RYR1: variants seen among roughly 807,000 people sequenced by gnomAD.
RYR1 encodes the protein ryanodine receptor 1.
A neutral mutation model predicts 583.5 loss-of-function variants in RYR1; 342 were observed. That is an observed-to-expected ratio of 0.59 (90% CI 0.54 to 0.64). RYR1 has a LOEUF of 0.64. Among genes scored for constraint, RYR1 ranks in the 30% least tolerant of loss-of-function variants. The pLI, the probability that RYR1 is intolerant of heterozygous loss-of-function variation, is 0.00. For synonymous variants in RYR1, 2,791 were observed against 2,822.5 expected (o/e 0.99, Z 0.35); for missense variants, 6,032 against 6,917.2 (o/e 0.87, Z 4.54).
At position 38,444,786 on chromosome 19, in the gene RYR1, A is replaced by G. The variant is rs1972860716; in HGVS notation, c.631+109A>G. On this transcript the variant is annotated intron_variant, in intron 7 of 105. Coordinates refer to ENST00000359596, the MANE Select transcript of RYR1 (RefSeq NM_000540.3). This position sits in a 1 kb window ranked among gnomAD's most constrained non-coding sequence, Gnocchi z 5.1. ...CCTTGGAACCTCAGACCTCAAACCT[A>G]GATCTCCAAATTATGGCTCTCACAC... is the stretch of plus-strand genomic sequence containing the variant. 3.6e-6 allele frequency: 3 copies of G among 822,006 alleles called. No homozygotes were observed. Among genetic ancestry groups the G allele is most frequent in the Non-Finnish European group, 6.1e-6 (3 of 491,634 alleles). 50.9% of individuals were successfully genotyped at this position (822,006 alleles called of 1,614,324 possible).
At chr19:38,576,066 G>GT (rs1973945003) in intron 97 of RYR1, 105 bp downstream of exon 97, 2 of 1,347,036 alleles carry the variant, frequency 1.5e-6, no homozygotes, top group Admixed American at 1.7e-5. Flanking sequence ...TGGGCAAGAG[G>GT]TTTTTTTGCC....
intron 20 of RYR1, 123 bp downstream of exon 20, chr19:38,460,714 A>T: frequency 1.0e-6 from 1 of 957,424 alleles, no homozygotes; most frequent in Non-Finnish European, 1.6e-6. Context: ...GTGGTGGCTC[A>T]CGCCTGTAAG....
rs530154455 is a variant in RYR1 at position 38,580,291 on chromosome 19, G to A, written c.14512-79G>A. On this transcript the variant is annotated intron_variant, in intron 100 of 105. Coordinates refer to ENST00000359596, the MANE Select transcript of RYR1 (RefSeq NM_000540.3). ...AAGGTAGAGCCACAGGGACTGAACC[G>A]GGGCCAGGACCCAGCATGGGCAGGG... is the stretch of plus-strand genomic sequence containing the variant. The A allele has an allele frequency of 8.7e-4, 1,385 of 1,598,146 alleles. 2 individuals are homozygous for A. The highest frequency in any genetic ancestry group is 9.7e-4 in the Non-Finnish European group (1,142 of 1,173,024).
At chr19:38,534,943 C>A in intron 79 of RYR1, 124 bp downstream of exon 79, 1 of 1,162,724 alleles carries the variant, frequency 8.6e-7, no homozygotes, top group Non-Finnish European at 1.2e-6. Flanking sequence ...CACGCACACC[C>A]CAGCCCTTGC....
intron 13 of RYR1, among the ~76,000 whole-genome samples, chr19:38,454,063 G>GTC (rs913789283): frequency 6.6e-6 from 1 of 152,142 alleles, no homozygotes; most frequent in Non-Finnish European, 1.5e-5. Context: ...TTGAAACAGA[G>GTC]TCTCTCTCTG....
rs746226400 is a variant in RYR1 at position 38,494,598 on chromosome 19, A to C, written c.6521A>C (p.Glu2174Ala). 2.5e-6 allele frequency: 4 copies of C among 1,614,118 alleles called. No individual in the cohort carries two copies. Among genetic ancestry groups the C allele is most frequent in the Non-Finnish European group, 2.5e-6 (3 of 1,180,024 alleles). The stretch of plus-strand genomic sequence containing the variant: ...CTCATCGTGCAGATGGGCCCCCAGG[A>C]GGAGAACCTCATGATCCAGAGCATC... The part of the protein sequence containing the change: ...SLLIVQMGPQ[E>A]ENLMIQSIGN... The change falls in exon 39 of 106, where the codon GAG becomes GCG. Residue 2174 changes from glutamate (E) to alanine (A), a missense_variant. By Grantham distance (107) the Glu-to-Ala change is moderately radical (BLOSUM62 -1). This residue lies in a region of RYR1 where 2,627 missense variants were observed against 2,961.3 expected (regional missense o/e 0.89). Coordinates refer to ENST00000359596, the MANE Select transcript of RYR1 (RefSeq NM_000540.3).
intron 25 of RYR1, among the ~76,000 whole-genome samples, chr19:38,468,747 A>T (rs1968257968): frequency 6.6e-6 from 1 of 152,178 alleles, no homozygotes; most frequent in African/African-American, 2.4e-5. Flanking sequence ...GGCAGAAGGG[A>T]TGAGACACAG....
intron 92 of RYR1, among the ~76,000 whole-genome samples, chr19:38,567,418 A>G (rs969410371): frequency 5.9e-5 from 9 of 152,172 alleles, no homozygotes; most frequent in African/African-American, 1.7e-4. Context: ...CCTGGAACAC[A>G]GGCCCCCATG....
At chr19:38,461,742 AAAGG>A (rs1424265535) in intron 20 of RYR1, among the ~76,000 whole-genome samples, 1 of 125,242 alleles carries the variant, frequency 8.0e-6, no homozygotes, top group Non-Finnish European at 1.7e-5. Flanking sequence ...AAAAAAAAAG[AAAGG>A]GAGAGAGAGA....
intron 31 of RYR1, 122 bp from the exon 32 acceptor site, chr19:38,482,905 C>T (rs1969082829): frequency 1.2e-6 from 1 of 863,110 alleles, no homozygotes; most frequent in Admixed American, 1.9e-5. Flanking sequence ...GACCTCTGAG[C>T]CATTTTGGAG....
At position 38,496,852 on chromosome 19, in the gene RYR1, C is replaced by G. The variant is rs1568497190; in HGVS notation, c.6797-8C>G. On this transcript the variant is annotated splice_polypyrimidine_tract_variant and splice_region_variant and intron_variant, in intron 41 of 105. Coordinates refer to ENST00000359596, the MANE Select transcript of RYR1 (RefSeq NM_000540.3). This position sits in a 1 kb window ranked among gnomAD's most constrained non-coding sequence, Gnocchi z 4.8. ...GTGAGATGTTCTCCCCACCTCTCGC[C>G]CCTGCAGGCATGCAGGGCTCCACGC... The G allele has an allele frequency of 6.2e-7, 1 of 1,611,672 alleles. No individual in the cohort carries two copies. The highest frequency in any genetic ancestry group is 1.1e-5 in the South Asian group (1 of 90,972).
At chr19:38,574,815 G>A (rs530696025) in intron 96 of RYR1, among the ~76,000 whole-genome samples, 2 of 152,188 alleles carry the variant, frequency 1.3e-5, no homozygotes, top group African/African-American at 2.4e-5. Flanking sequence ...CGAGGCAGGC[G>A]GATCACGAGG....
Position 38,456,274 on chromosome 19 carries a change from A to ATTTTTTTTTT in RYR1, c.1791+533_1791+542dup, listed in dbSNP as rs769713059. Among the ~76,000 whole-genome samples the ATTTTTTTTTT allele has an allele frequency of 1.9e-5, 2 of 106,670 alleles. 1 individual carries two copies. 70.0% of individuals were successfully genotyped at this position (106,670 alleles called of 152,430 possible). ...CAGGCGTGAACCACCAGCGCCTGGC[A>ATTTTTTTTTT]TTTTTTTTTTTTTTTTTTTGATACA... On this transcript the variant is annotated intron_variant, in intron 16 of 105. Coordinates refer to ENST00000359596, the MANE Select transcript of RYR1 (RefSeq NM_000540.3).
At position 38,499,873 on chromosome 19, in the gene RYR1, T is replaced by C; in HGVS notation, c.7215-35T>C. 2 of 1,215,698 alleles carry C rather than the reference T, an allele frequency of 1.6e-6. No individual in the cohort carries two copies. Among genetic ancestry groups the C allele is most frequent in the South Asian group, 1.2e-5 (1 of 83,504 alleles). The allele number at this position is 1,215,698 out of a possible 1,614,324, so 75.3% of individuals were successfully genotyped here. ...AGGGCAACCCGCCCTCCCTGGCCCC[T>C]GGCTGCCTCCCCAACCCACCCACCT... On this transcript the variant is annotated intron_variant, in intron 44 of 105. Coordinates refer to ENST00000359596, the MANE Select transcript of RYR1 (RefSeq NM_000540.3). This position sits in a 1 kb window ranked among gnomAD's most constrained non-coding sequence, Gnocchi z 7.3.
At chr19:38,541,434 G>A (rs540657549) in intron 84 of RYR1, among the ~76,000 whole-genome samples, 4 of 114,390 alleles carry the variant, frequency 3.5e-5, no homozygotes, top group Admixed American at 9.4e-5. Context: ...GGATTTCCTC[G>A]GCTGGGTGTG....
intron 52 of RYR1, 50 bp downstream of exon 52, chr19:38,505,131 C>G: frequency 6.5e-7 from 1 of 1,539,912 alleles, no homozygotes; most frequent in Non-Finnish European, 9.0e-7. Context: ...CCCCAGCTTT[C>G]CCCCCGACCT....
intron 88 of RYR1, among the ~76,000 whole-genome samples, chr19:38,547,700 A>G (rs530407861): frequency 6.7e-6 from 1 of 150,240 alleles, no homozygotes; most frequent in East Asian, 2.0e-4. Context: ...ACCTACCTTT[A>G]GCGTACATCA....
chr19:38,580,482 T>G lies in RYR1; in HGVS notation c.14624T>G (p.Met4875Arg). Reference sequence around the variant, plus strand: ...AGCGAGGATGAGGATGAACCTGACATGAAGTGTGATGACATGATGACGGTG... The same window carrying G: ...AGCGAGGATGAGGATGAACCTGACAGGAAGTGTGATGACATGATGACGGTG... ...NKSEDEDEPD[M>R]KCDDMMTCYL... The change falls in exon 101 of 106, where the codon ATG becomes AGG. Residue 4875 changes from methionine to arginine, a missense_variant. Met to Arg is a moderately conservative substitution (Grantham distance 91). Around this residue, in one of 11 missense-constraint regions of RYR1, gnomAD observed 189 missense variants for 350.3 expected, o/e 0.54. Coordinates refer to ENST00000359596, the MANE Select transcript of RYR1 (RefSeq NM_000540.3). 6.2e-7 allele frequency: 1 copy of G among 1,613,958 alleles called. No individual in the cohort carries two copies. The highest frequency in any genetic ancestry group is 8.5e-7 in the Non-Finnish European group (1 of 1,179,992).
chr19:38,482,718 A>G (rs1969072804), intron 31 of RYR1, among the ~76,000 whole-genome samples: 1 of 152,008 alleles, frequency 6.6e-6, no homozygotes. Context: ...CCAAAGTTCT[A>G]GGATTACAGG....
Sources: gnomAD v4.1 joint callset for allele counts (sites outside exome capture counted in the v4.1 genomes callset) on GRCh38, gnomAD v4.1.1 for gene constraint, gnomAD v4.1.1 regional missense constraint, Gnocchi (gnomAD v3.1) non-coding constraint, MANE v1.5 for transcripts, NCBI Gene and HGNC (gene_info 2026-07-23, HGNC 2026-07-21) for gene names.